The following CDH18 variants were observed in gnomAD, a reference collection of about 807,000 sequenced individuals.
CDH18 encodes cadherin-18.
In CDH18, 31 loss-of-function variants were observed where a neutral mutation model predicts 67.9. The observed-to-expected ratio is 0.46, with a 90% CI of 0.34 to 0.62. CDH18 has a LOEUF of 0.62. Among genes scored for constraint, CDH18 ranks in the 20% least tolerant of loss-of-function variants. The pLI is 0.01. For synonymous variants in CDH18, 362 were observed against 347.2 expected (o/e 1.04, Z -0.48); for missense variants, 890 against 975.5 (o/e 0.91, Z 1.17).
In CDH18 at chr5:20,211,358, T is replaced by G. The variant is rs756820988; in HGVS notation, c.-518+44086A>C. Among the ~76,000 whole-genome samples the G allele has an allele frequency of 4.1e-4, 62 of 152,226 alleles. 1 individual carries two copies. The highest frequency in any genetic ancestry group is 6.6e-4 in the Non-Finnish European group (45 of 68,004). On this transcript the variant is annotated intron_variant, in intron 2 of 14. Transcript: ENST00000507958. The stretch of plus-strand genomic sequence containing the variant: ...AATGCAGCAGAAACTTCTGCAGACT[T>G]AAATGTCCCTGTCTGACAGCTTTGA...
At chr5:20,243,102 C>A (rs144979464) in intron 2 of CDH18, among the ~76,000 whole-genome samples, 1 of 152,130 alleles carries the variant, frequency 6.6e-6, no homozygotes, top group African/African-American at 2.4e-5. Flanking sequence ...GTATCAAAAG[C>A]TTTGTTCTAT....
chr5:20,469,800 C>T (rs573631394), intron 1 of CDH18, among the ~76,000 whole-genome samples: 3 of 152,146 alleles, frequency 2.0e-5, no homozygotes, highest in Admixed American at 6.5e-5. Flanking sequence ...CTTTACTGAC[C>T]TCCAGGTCTC....
chr5:20,090,364 G>A (rs141364911), intron 2 of CDH18, among the ~76,000 whole-genome samples: 321 of 151,972 alleles, frequency 2.1e-3, no homozygotes, highest in Admixed American at 3.9e-3. Flanking sequence ...GAGAAACCCC[G>A]TCTCTACCAA....
At chr5:20,426,745 T>G (rs573659899) in intron 1 of CDH18, among the ~76,000 whole-genome samples, 12 of 151,222 alleles carry the variant, frequency 7.9e-5, no homozygotes, top group Non-Finnish European at 1.8e-4. Context: ...GCATTATTAT[T>G]GAAACTTTTT....
At chr5:20,358,009 A>G (rs1331692339) in intron 1 of CDH18, among the ~76,000 whole-genome samples, 1 of 152,228 alleles carries the variant, frequency 6.6e-6, no homozygotes, top group African/African-American at 2.4e-5. Flanking sequence ...ACATGGATGC[A>G]GCTGGAGGCC....
chr5:20,267,682 CT>C (rs1745142440), intron 1 of CDH18, among the ~76,000 whole-genome samples: 1 of 152,136 alleles, frequency 6.6e-6, no homozygotes, highest in African/African-American at 2.4e-5. Context: ...GGATCACCTT[CT>C]TGATTTCCCT....
At chr5:19,767,479 C>A (rs2149726216) in intron 3 of CDH18, among the ~76,000 whole-genome samples, 1 of 151,934 alleles carries the variant, frequency 6.6e-6, no homozygotes, top group Admixed American at 6.6e-5. Flanking sequence ...ATATTTACTC[C>A]AAATATACTT....
intron 3 of CDH18, among the ~76,000 whole-genome samples, chr5:19,754,608 A>G (rs1771284673): frequency 6.6e-6 from 1 of 152,194 alleles, no homozygotes; most frequent in Admixed American, 6.5e-5. Flanking sequence ...CAGGTCATCA[A>G]GACAGAAAGC....
intron 1 of CDH18, among the ~76,000 whole-genome samples, chr5:20,279,894 T>C (rs972659630): frequency 6.6e-6 from 1 of 151,864 alleles, no homozygotes; most frequent in African/African-American, 2.4e-5. Flanking sequence ...TTACAGAGCA[T>C]TTAATCCAAC....
chr5:20,374,239 T>C (rs553227166), intron 1 of CDH18, among the ~76,000 whole-genome samples: 1 of 152,310 alleles, frequency 6.6e-6, no homozygotes, highest in Non-Finnish European at 1.5e-5. Context: ...GGCTCAATTC[T>C]ACAGATACCG....
At chr5:20,028,417 GA>G (rs2150446350) in intron 2 of CDH18, among the ~76,000 whole-genome samples, 1 of 152,208 alleles carries the variant, frequency 6.6e-6, no homozygotes, top group South Asian at 2.1e-4. Flanking sequence ...ATGTAACTTA[GA>G]AGGCAGTTTT....
intron 1 of CDH18, among the ~76,000 whole-genome samples, chr5:20,455,549 CAT>C (rs2150213922): frequency 6.6e-6 from 1 of 152,184 alleles, no homozygotes; most frequent in African/African-American, 2.4e-5. Flanking sequence ...TAAGATAATG[CAT>C]AGTGTCATCA....
At chr5:20,139,199 A>C (rs1750015108) in intron 2 of CDH18, among the ~76,000 whole-genome samples, 1 of 152,190 alleles carries the variant, frequency 6.6e-6, no homozygotes, top group African/African-American at 2.4e-5. Context: ...AAACCTGACA[A>C]AAACAAGAAA....
intron 2 of CDH18, chr5:19,886,104 A>G (rs1366995074): frequency 6.6e-6 from 1 of 152,164 alleles, no homozygotes; most frequent in Non-Finnish European, 1.5e-5. Flanking sequence ...AAACTGATTA[A>G]CTCACATACT....
intron 2 of CDH18, among the ~76,000 whole-genome samples, chr5:19,948,497 A>G (rs1032785030): frequency 7.2e-5 from 11 of 152,152 alleles, no homozygotes; most frequent in African/African-American, 2.7e-4. Flanking sequence ...AAATAATCAT[A>G]GAGATGAAAT....
At chr5:19,723,171 A>C (rs141406532) in intron 4 of CDH18, among the ~76,000 whole-genome samples, 3,894 of 152,208 alleles carry the variant, frequency 0.026, 125 homozygotes, top group African/African-American at 0.076. Flanking sequence ...TGGGAGGCTG[A>C]GGCAGGAGAA....
At chr5:20,168,711 T>G (rs2126638700) in intron 2 of CDH18, among the ~76,000 whole-genome samples, 1 of 152,236 alleles carries the variant, frequency 6.6e-6, no homozygotes, top group East Asian at 1.9e-4. Flanking sequence ...TTAAAGACAC[T>G]TACAATAGCT....
intron 11 of CDH18, among the ~76,000 whole-genome samples, chr5:19,490,394 G>GGTTTTTTTTT (rs1741223437): frequency 4.5e-4 from 27 of 60,208 alleles, no homozygotes; most frequent in African/African-American, 1.8e-3. Context: ...ATAAAAATCT[G>GGTTTTTTTTT]TTTTTTTTTT....
At chr5:20,334,753 TACACACACACACAC>T (rs35282241) in intron 1 of CDH18, among the ~76,000 whole-genome samples, 9 of 138,346 alleles carry the variant, frequency 6.5e-5, no homozygotes, top group African/African-American at 1.8e-4. Flanking sequence ...CTCTCTCTCA[TACACACACACACAC>T]ACACACACAC....
Sources: allele counts gnomAD v4.1 joint callset (sites outside exome capture counted in the v4.1 genomes callset), GRCh38; gene constraint gnomAD v4.1.1; transcripts MANE v1.5; gene names NCBI Gene and HGNC (gene_info 2026-07-23, HGNC 2026-07-21).